Variants in QKI observed in about 807,000 individuals in gnomAD.
QKI encodes KH domain-containing RNA-binding protein QKI.
A neutral mutation model predicts 39.0 loss-of-function variants in QKI; 10 were observed. The observed-to-expected ratio is 0.26, with a 90% CI of 0.16 to 0.43. The LOEUF (loss-of-function observed/expected upper bound fraction) is 0.43, where lower values mean the gene tolerates loss of function less well. Among genes scored for constraint, QKI ranks in the 20% least tolerant of loss-of-function variants. The pLI, the probability that QKI is intolerant of heterozygous loss-of-function variation, is 1.00. For synonymous variants in QKI, 204 were observed against 155.4 expected (o/e 1.31, Z -2.33); for missense variants, 218 against 428.0 (o/e 0.51, Z 4.33).
intron 2 of QKI, among the ~76,000 whole-genome samples, chr6:163,468,002 T>C (rs542055771): frequency 6.6e-6 from 1 of 152,290 alleles, no homozygotes; most frequent in Admixed American, 6.5e-5. Flanking sequence ...TATTTTTAAT[T>C]AAAAACAGTT....
At chr6:163,561,217 C>T (rs1198632321) in intron 4 of QKI, among the ~76,000 whole-genome samples, 3 of 152,044 alleles carry the variant, frequency 2.0e-5, no homozygotes, top group African/African-American at 7.3e-5. Flanking sequence ...GTAATCAAAT[C>T]TTGTATGTTT....
At chr6:163,508,931 G>A (rs1174077325) in intron 3 of QKI, among the ~76,000 whole-genome samples, 1 of 143,258 alleles carries the variant, frequency 7.0e-6, no homozygotes, top group African/African-American at 2.5e-5. Context: ...CTGAGGTCAG[G>A]AGTTCGAGAC....
intron 4 of QKI, among the ~76,000 whole-genome samples, chr6:163,551,390 A>G (rs1006541783): frequency 3.3e-5 from 5 of 152,232 alleles, no homozygotes; most frequent in African/African-American, 1.2e-4. Context: ...CACAAGTAGT[A>G]GGTGGTAGCC....
In QKI at chr6:163,503,137, ATTTTTTTTTTT is replaced by A. The variant is rs57383986; in HGVS notation, c.402+24254_402+24264del. On this transcript the variant is annotated intron_variant, in intron 3 of 7. Transcript: ENST00000361752. ...CTTTTCATGTTTGTTGGCCCCTTGT[ATTTTTTTTTTT>A]TTTTTTTTTTTTGAGAAGACACTTC... 4.0e-4 allele frequency among the ~76,000 whole-genome samples: 40 copies of A among 100,036 alleles called. No homozygotes were observed. In the Admixed American group the frequency reaches 4.2e-3, roughly 11 times the overall value. The allele number at this position is 100,036 out of a possible 152,430, so 65.6% of individuals were successfully genotyped here.
chr6:163,488,056 C>A (rs1455477045), intron 3 of QKI, among the ~76,000 whole-genome samples: 1 of 152,088 alleles, frequency 6.6e-6, no homozygotes, highest in South Asian at 2.1e-4. Context: ...TTCCCTGCCC[C>A]CCGCCTTTGG....
intron 1 of QKI, among the ~76,000 whole-genome samples, chr6:163,424,605 A>G (rs73015309): frequency 0.16 from 23,735 of 151,880 alleles, 2,333 homozygotes; most frequent in Admixed American, 0.33. Context: ...AGAGCCTCTC[A>G]TACTATAAAG....
At chr6:163,555,000 A>G (rs1318059017) in intron 4 of QKI, among the ~76,000 whole-genome samples, 2 of 152,188 alleles carry the variant, frequency 1.3e-5, no homozygotes, top group Non-Finnish European at 2.9e-5. Flanking sequence ...CTGTCTGCCA[A>G]AGCTGTCGGA....
At chr6:163,511,823 A>G (rs1311744805) in intron 3 of QKI, among the ~76,000 whole-genome samples, 3 of 151,988 alleles carry the variant, frequency 2.0e-5, no homozygotes, top group Non-Finnish European at 4.4e-5. Context: ...AAATGAGAAT[A>G]CTTCTTAACT....
intron 7 of QKI, chr6:163,567,717 A>G (rs1381378675): frequency 2.0e-6 from 2 of 983,982 alleles, no homozygotes; most frequent in Non-Finnish European, 2.4e-6. Context: ...AATATCAAGC[A>G]TGGTAGTAAA....
chr6:163,501,074 C>T (rs2321699), intron 3 of QKI, among the ~76,000 whole-genome samples: 148,588 of 152,228 alleles, frequency 0.98, 72,555 homozygotes, highest in East Asian at 1. Context: ...TTGTTAATAA[C>T]AGGTGTCATT....
intron 7 of QKI, chr6:163,568,869 G>C: frequency 1.0e-6 from 1 of 985,774 alleles, no homozygotes; most frequent in Non-Finnish European, 1.2e-6. Context: ...GAACTGTATG[G>C]TCTTGCATGG....
intron 3 of QKI, among the ~76,000 whole-genome samples, chr6:163,501,449 A>T (rs981091631): frequency 6.6e-6 from 1 of 152,208 alleles, no homozygotes; most frequent in Non-Finnish European, 1.5e-5. Context: ...TCTAATTGCT[A>T]TGTAATCAAA....
intron 1 of QKI, among the ~76,000 whole-genome samples, chr6:163,425,030 A>G (rs961512044): frequency 6.6e-6 from 1 of 152,256 alleles, no homozygotes; most frequent in Admixed American, 6.5e-5. Context: ...AGAAAAAGAA[A>G]GATGATGTAT....
At chr6:163,415,394 C>G in intron 1 of QKI, 59 bp downstream of exon 1, 2 of 1,363,972 alleles carry the variant, frequency 1.5e-6, no homozygotes, top group Non-Finnish European at 2.0e-6. Flanking sequence ...CCCCTTTCCC[C>G]GCTTGGGATG....
In QKI at chr6:163,564,506, A is replaced by G. The variant is rs527903732; in HGVS notation, c.934+787A>G. The stretch of plus-strand genomic sequence containing the variant: ...CATATTAAACATGAGAGATACTCTT[A>G]ATTTCAGTAGTACAGTATGGAATAG... On this transcript the variant is annotated intron_variant, in intron 6 of 7. Transcript: ENST00000361752. The G allele has an allele frequency of 3.5e-6, 5 of 1,440,104 alleles. No homozygotes were observed. The East Asian group carries it at 9.9e-5, about 29-fold the overall frequency. The allele number at this position is 1,440,104 out of a possible 1,614,324, so 89.2% of individuals were successfully genotyped here.
chr6:163,565,651 A>G, intron 6 of QKI: 2 of 1,063,362 alleles, frequency 1.9e-6, no homozygotes, highest in Non-Finnish European at 2.3e-6. Flanking sequence ...ATAAGTGCCC[A>G]ATGAAAAAAT....
At chr6:163,485,171 T>A (rs1225909001) in intron 3 of QKI, among the ~76,000 whole-genome samples, 2 of 152,234 alleles carry the variant, frequency 1.3e-5, no homozygotes, top group African/African-American at 4.8e-5. Flanking sequence ...TTGAGCAGAT[T>A]ACAAATGCTA....
At chr6:163,486,190 A>C (rs1047480568) in intron 3 of QKI, among the ~76,000 whole-genome samples, 2 of 152,240 alleles carry the variant, frequency 1.3e-5, no homozygotes, top group Non-Finnish European at 2.9e-5. Context: ...GCTCATTTCT[A>C]CCTGAAGAGT....
chr6:163,416,881 A>T (rs1411380241), intron 1 of QKI, among the ~76,000 whole-genome samples: 1 of 150,448 alleles, frequency 6.6e-6, no homozygotes. Flanking sequence ...TTGGCATTTG[A>T]AAGATTGTGG....
Sources: gnomAD v4.1 joint callset for allele counts (sites outside exome capture counted in the v4.1 genomes callset) on GRCh38, gnomAD v4.1.1 for gene constraint, MANE v1.5 for transcripts, NCBI Gene and HGNC (gene_info 2026-07-23, HGNC 2026-07-21) for gene names.